The following NUP133 variants were observed in gnomAD, a reference collection of about 807,000 sequenced individuals.
The protein encoded by NUP133 is nuclear pore complex protein Nup133.
A neutral mutation model predicts 146.2 loss-of-function variants in NUP133; 66 were observed. That is an observed-to-expected ratio of 0.45 (90% CI 0.37 to 0.55). NUP133 has a LOEUF of 0.55. NUP133 is among the 20% of genes least tolerant of loss of function. The probability of loss-of-function intolerance (pLI) is 0.00; values close to 1 mark genes in which losing one functional copy is unlikely to be tolerated. For synonymous variants in NUP133, 521 were observed against 498.8 expected, an observed-to-expected ratio of 1.04 and a Z score of -0.59; for missense variants, 1,277 against 1,374.8, an observed-to-expected ratio of 0.93 and a Z score of 1.12.
chr1:229,442,554 T>C (rs1428381181), intron 25 of NUP133, among the ~76,000 whole-genome samples: 2 of 152,142 alleles, frequency 1.3e-5, no homozygotes, highest in Non-Finnish European at 2.9e-5. Flanking sequence ...CAAACAAACA[T>C]ACACAATTTT....
intron 2 of NUP133, among the ~76,000 whole-genome samples, chr1:229,503,323 T>C (rs1571943133): frequency 6.6e-6 from 1 of 152,212 alleles, no homozygotes; most frequent in East Asian, 1.9e-4. Context: ...TTTATAATTA[T>C]ATCGATAAAG....
At chr1:229,457,998 G>A (rs1486219647) in intron 21 of NUP133, among the ~76,000 whole-genome samples, 163 bp downstream of exon 21, 1 of 152,144 alleles carries the variant, frequency 6.6e-6, no homozygotes, top group Admixed American at 6.5e-5. Context: ...AAAATTCCAA[G>A]TATATAATTG....
intron 24 of NUP133, among the ~76,000 whole-genome samples, chr1:229,446,939 A>G (rs1660315419): frequency 6.6e-6 from 1 of 152,036 alleles, no homozygotes; most frequent in South Asian, 2.1e-4. Flanking sequence ...AGCCTGACCA[A>G]CATGAAGAAA....
In NUP133 at chr1:229,475,629, C is replaced by T. The variant is rs369380483; in HGVS notation, c.1851+9G>A. The T allele has an allele frequency of 3.2e-5, 51 of 1,604,428 alleles. No individual in the cohort carries two copies. The highest frequency in any genetic ancestry group is 1.2e-4 in the African/African-American group (9 of 74,714). ...GCAGAGCCCTGTGCCCAGCACCCTG[C>T]GCTCTTACTTGATGAATAAAGTCCA... On this transcript the variant is annotated intron_variant, in intron 14 of 25. Coordinates refer to ENST00000261396, the MANE Select transcript of NUP133 (RefSeq NM_018230.3).
intron 17 of NUP133, 138 bp from the exon 18 acceptor site, chr1:229,465,013 A>G (rs1660779662): frequency 3.1e-6 from 3 of 982,476 alleles, no homozygotes; most frequent in African/African-American, 3.3e-5. Context: ...GATACCTGTC[A>G]ATGCCCTGCT....
intron 16 of NUP133, 100 bp downstream of exon 16, chr1:229,466,534 A>G: frequency 7.7e-7 from 1 of 1,297,672 alleles, no homozygotes; most frequent in South Asian, 1.4e-5. Context: ...CTACAACCTT[A>G]TACATTATCG....
intron 6 of NUP133, among the ~76,000 whole-genome samples, chr1:229,497,824 C>T (rs4925457): frequency 0.19 from 28,500 of 152,138 alleles, 2,882 homozygotes; most frequent in Middle Eastern, 0.25. Context: ...AGTAGAAACA[C>T]GCTTCTGGTT....
At chr1:229,465,623 A>C (rs1660793381) in intron 16 of NUP133, 104 bp from the exon 17 acceptor site, 1 of 849,134 alleles carries the variant, frequency 1.2e-6, no homozygotes, top group African/African-American at 1.7e-5. Flanking sequence ...AAAAATACTC[A>C]GGGGCCAGGA....
chr1:229,468,598 A>T (rs1423725947), intron 15 of NUP133, among the ~76,000 whole-genome samples: 1 of 152,174 alleles, frequency 6.6e-6, no homozygotes, highest in Non-Finnish European at 1.5e-5. Context: ...TAATTTCCAG[A>T]CCCTTCTCCA....
intron 16 of NUP133, 68 bp from the exon 17 acceptor site, chr1:229,465,587 T>A: frequency 8.3e-7 from 1 of 1,201,340 alleles, no homozygotes; most frequent in Non-Finnish European, 1.2e-6. Flanking sequence ...GAAGATAATT[T>A]AAGACAGCAA....
chr1:229,476,996 A>T lies in NUP133; in HGVS notation c.1756+601T>A, dbSNP rs150578643. ...TAAGTGCCAACTGTCTACCTATGCA[A>T]CCAATTTTCTTTTAGAAATAAAAGC... On this transcript the variant is annotated intron_variant, in intron 13 of 25. Transcript: ENST00000261396. Among the ~76,000 whole-genome samples, 443 of 152,088 alleles carry T rather than the reference A, an allele frequency of 2.9e-3. 4 individuals are homozygous for T. Among genetic ancestry groups the T allele is most frequent in the Non-Finnish European group, 3.4e-3 (231 of 68,002 alleles).
At chr1:229,501,371 T>C (rs932415740) in intron 3 of NUP133, among the ~76,000 whole-genome samples, 4 of 152,192 alleles carry the variant, frequency 2.6e-5, no homozygotes, top group African/African-American at 9.7e-5. Flanking sequence ...ATACACCCTT[T>C]TCTAGGCAGC....
At position 229,508,224 on chromosome 1, in the gene NUP133, C is replaced by T. The variant is rs778724624; in HGVS notation, c.26G>A (p.Arg9Gln). 1.3e-6 allele frequency: 2 copies of T among 1,543,364 alleles called. No homozygotes were observed. Among genetic ancestry groups the T allele is most frequent in the South Asian group, 2.4e-5 (2 of 83,908 alleles). Residue 9 changes from arginine to glutamine, a missense_variant, in exon 1 of 26, where the codon CGG (arginine) becomes CAG (glutamine). Physicochemically the swap from Arg to Gln is conservative, Grantham distance 43. Around this residue, in one of 3 missense-constraint regions of NUP133, gnomAD observed 319 missense variants for 306.9 expected, o/e 1.04. Transcript: ENST00000261396. ...CCTTCGGGACCCGGTACCCGGGGTC[C>T]GCGGAGAAGGGGCGGCTGGGAACAT... MFPAAPSP[R>Q]TPGTGSRRGP...
intron 8 of NUP133, among the ~76,000 whole-genome samples, chr1:229,492,865 A>G (rs1661560276): frequency 6.6e-6 from 1 of 151,948 alleles, no homozygotes; most frequent in African/African-American, 2.4e-5. Context: ...ACCACTAAAG[A>G]ACTTACCCAT....
intron 2 of NUP133, among the ~76,000 whole-genome samples, chr1:229,504,724 T>C (rs12033236): frequency 0.19 from 28,602 of 152,236 alleles, 2,904 homozygotes; most frequent in Middle Eastern, 0.27. Flanking sequence ...GACTGAATTT[T>C]GCATATACAG....
chr1:229,508,246 A>G lies in NUP133; in HGVS notation c.4T>C (p.Phe2Leu), dbSNP rs780389399. Residue 2 changes from phenylalanine (F) to leucine (L), a missense_variant, in exon 1 of 26, where the codon TTC (phenylalanine) becomes CTC (leucine). By Grantham distance (22) the Phe-to-Leu change is conservative. Coordinates refer to ENST00000261396, the MANE Select transcript of NUP133 (RefSeq NM_018230.3). Reference sequence around the variant, plus strand: ...GTCCGCGGAGAAGGGGCGGCTGGGAACATGACTCCAAGGAGCAGCGACTAG... The same window carrying G: ...GTCCGCGGAGAAGGGGCGGCTGGGAGCATGACTCCAAGGAGCAGCGACTAG... M[F>L]PAAPSPRTPG... is the part of the protein sequence containing the mutation. 15 of 1,525,978 alleles carry G rather than the reference A, an allele frequency of 9.8e-6. No individual in the cohort carries two copies. Among genetic ancestry groups the G allele is most frequent in the Non-Finnish European group, 8.8e-7 (1 of 1,138,258 alleles). The allele number at this position is 1,525,978 out of a possible 1,614,324, so 94.5% of individuals were successfully genotyped here.
intron 25 of NUP133, among the ~76,000 whole-genome samples, chr1:229,443,279 A>T (rs370000390): frequency 2.7e-5 from 4 of 150,214 alleles, no homozygotes; most frequent in East Asian, 2.0e-4. Flanking sequence ...AGCTCAAGGG[A>T]TTCTCCTGCC....
At chr1:229,494,335 G>T (rs1489821016) in intron 8 of NUP133, among the ~76,000 whole-genome samples, 1 of 152,086 alleles carries the variant, frequency 6.6e-6, no homozygotes, top group Non-Finnish European at 1.5e-5. Flanking sequence ...CTGTAAAGGG[G>T]CCTATAATAA....
chr1:229,494,381 A>G (rs1403639819), intron 8 of NUP133, among the ~76,000 whole-genome samples: 1 of 152,232 alleles, frequency 6.6e-6, no homozygotes, highest in Non-Finnish European at 1.5e-5. Flanking sequence ...CAAATTACAC[A>G]AAGTGGTACA....
Sources: allele counts gnomAD v4.1 joint callset (sites outside exome capture counted in the v4.1 genomes callset), GRCh38; gene constraint gnomAD v4.1.1; regional missense constraint gnomAD v4.1.1; transcripts MANE v1.5; gene names NCBI Gene and HGNC (gene_info 2026-07-23, HGNC 2026-07-21).